LY96: variants seen among roughly 807,000 people sequenced by gnomAD.
LY96 encodes lymphocyte antigen 96.
LY96 carries 18 observed loss-of-function variants against 18.9 expected under a neutral mutation model. The observed-to-expected ratio is 0.95, with a 90% CI of 0.66 to 1.41. The LOEUF is 1.41. Ranked by LOEUF, LY96 falls within the 40% of genes most tolerant of loss-of-function variation. The probability of loss-of-function intolerance (pLI) is 0.00; values close to 1 mark genes in which losing one functional copy is unlikely to be tolerated. For synonymous variants in LY96, 66 were observed against 62.6 expected, an observed-to-expected ratio of 1.06 and a Z score of -0.26; for missense variants, 175 against 182.4, an observed-to-expected ratio of 0.96 and a Z score of 0.23.
chr8:74,043,309 T>C, the LY96 span, among the ~76,000 whole-genome samples: 208 of 152,358 alleles, frequency 1.4e-3, no homozygotes, highest in Non-Finnish European at 2.3e-3. Context: ...AGGTTGTCAA[T>C]TGGGACTAAT....
At chr8:74,016,704 T>C (rs923463208) in intron 3 of LY96, among the ~76,000 whole-genome samples, 1 of 152,208 alleles carries the variant, frequency 6.6e-6, no homozygotes, top group African/African-American at 2.4e-5. Flanking sequence ...CTGCAATATT[T>C]ACTGTTCTGC....
At chr8:74,032,813 T>C (rs897060106), downstream of LY96, among the ~76,000 whole-genome samples, 6 of 152,144 alleles carry the variant, frequency 3.9e-5, no homozygotes, top group African/African-American at 7.2e-5. Flanking sequence ...TATTAAACAA[T>C]TGCTGGTGAA....
the LY96 span, among the ~76,000 whole-genome samples, chr8:74,064,611 A>G: frequency 2.0e-5 from 3 of 152,122 alleles, no homozygotes; most frequent in Non-Finnish European, 2.9e-5. Context: ...TCCTTCTACC[A>G]GTATTGGAAG....
At chr8:74,030,450 T>C (rs1816951371), downstream of LY96, among the ~76,000 whole-genome samples, 1 of 152,100 alleles carries the variant, frequency 6.6e-6, no homozygotes, top group Admixed American at 6.5e-5. Flanking sequence ...GAGGTGAAGG[T>C]TGTAGTGAGC....
chr8:74,098,479 G>A, the LY96 span, among the ~76,000 whole-genome samples: 10 of 152,086 alleles, frequency 6.6e-5, no homozygotes, highest in South Asian at 2.1e-4. Context: ...GGGCTCAAGC[G>A]ATTCTCATGC....
intron 1 of LY96, among the ~76,000 whole-genome samples, chr8:73,996,389 CTTTCTTTCTTTCTTTCTTTCTTTCTTT>C (rs1816142041): frequency 1.6e-4 from 7 of 42,650 alleles, no homozygotes; most frequent in Non-Finnish European, 2.3e-4. Flanking sequence ...TTCTTTCTTT[CTTTCTTTCTTTCTTTCTTTCTTTCTTT>C]CTTTCTTTCT....
At chr8:74,033,425 G>T (rs1288068851), downstream of LY96, among the ~76,000 whole-genome samples, 1 of 152,210 alleles carries the variant, frequency 6.6e-6, no homozygotes, top group Non-Finnish European at 1.5e-5. Flanking sequence ...TTAAGATAAA[G>T]ATTGACAAAA....
rs1410346581 is a variant in LY96 at position 74,010,088 on chromosome 8, G to T, written c.290G>T (p.Gly97Val). The change falls in exon 3 of 5, where the codon GGA becomes GTA. Residue 97 changes from glycine to valine, a missense_variant. Coordinates refer to ENST00000284818, the MANE Select transcript of LY96 (RefSeq NM_015364.5). ...LPKRKEVICR[G>V]SDDDYSFCRA... is the part of the protein sequence containing the mutation. ...AAGCGCAAAGAAGTTATTTGCCGAG[G>T]ATCTGATGACGATTACTCTTTTTGC... 11 of 1,613,162 alleles carry T rather than the reference G, an allele frequency of 6.8e-6. No homozygotes were observed. Among genetic ancestry groups the T allele is most frequent in the Middle Eastern group, 1.6e-4 (1 of 6,078 alleles).
At chr8:74,036,819 T>C in the LY96 span, among the ~76,000 whole-genome samples, 25 of 152,322 alleles carry the variant, frequency 1.6e-4, 1 homozygote, top group Admixed American at 1.3e-3. Flanking sequence ...TGAGTAGCTC[T>C]GTGGAGTACC....
chr8:74,016,612 G>C (rs561976690), intron 3 of LY96, among the ~76,000 whole-genome samples: 96 of 152,298 alleles, frequency 6.3e-4, no homozygotes, highest in Non-Finnish European at 1.2e-3. Context: ...CTCCTAGTAG[G>C]GGCTTACTGA....
chr8:74,081,070 T>C, the LY96 span, among the ~76,000 whole-genome samples: 701 of 126,970 alleles, frequency 5.5e-3, 13 homozygotes, highest in African/African-American at 0.013. Context: ...CTTTCTTACT[T>C]TCTTTCTTCT....
the LY96 span, among the ~76,000 whole-genome samples, chr8:74,086,789 G>A: frequency 6.6e-6 from 1 of 152,226 alleles, no homozygotes; most frequent in Non-Finnish European, 1.5e-5. Context: ...TAAAAGAGGT[G>A]CCAGTGAGCT....
At chr8:74,028,897 C>A in intron 4 of LY96, 59 bp from the exon 5 acceptor site, 1 of 1,016,010 alleles carries the variant, frequency 9.8e-7, no homozygotes, top group Non-Finnish European at 1.5e-6. Context: ...CTTACAAAGC[C>A]TCTGAAATAG....
the LY96 span, among the ~76,000 whole-genome samples, chr8:74,067,916 C>A: frequency 6.6e-6 from 1 of 151,598 alleles, no homozygotes; most frequent in East Asian, 1.9e-4. Context: ...CAAAAATTAG[C>A]CAGGCATGGT....
chr8:74,082,545 AC>A, the LY96 span, among the ~76,000 whole-genome samples: 2 of 152,164 alleles, frequency 1.3e-5, no homozygotes, highest in Non-Finnish European at 2.9e-5. Context: ...ATTTAAAAAA[AC>A]CCCAAACACC....
chr8:74,012,044 G>A (rs1202397000), intron 3 of LY96, among the ~76,000 whole-genome samples: 1 of 152,120 alleles, frequency 6.6e-6, no homozygotes, highest in Non-Finnish European at 1.5e-5. Context: ...AAAAGTAACA[G>A]ATGTTAGCAA....
the LY96 span, among the ~76,000 whole-genome samples, chr8:74,051,989 G>C: frequency 6.6e-6 from 1 of 151,526 alleles, no homozygotes; most frequent in Non-Finnish European, 1.5e-5. Flanking sequence ...TACATGTTTA[G>C]TGCAGCTGTG....
chr8:74,011,459 T>C (rs943164474), intron 3 of LY96, among the ~76,000 whole-genome samples: 2 of 152,154 alleles, frequency 1.3e-5, no homozygotes, highest in East Asian at 1.9e-4. Context: ...CTGTAGTATA[T>C]GAGAAAAAAT....
intron 3 of LY96, among the ~76,000 whole-genome samples, chr8:74,025,704 G>A (rs1816857259): frequency 7.0e-6 from 1 of 142,032 alleles, no homozygotes; most frequent in African/African-American, 2.6e-5. Context: ...TTTAAAGAAA[G>A]AGCAAAAAGA....
Sources: allele counts gnomAD v4.1 joint callset (sites outside exome capture counted in the v4.1 genomes callset), GRCh38; gene constraint gnomAD v4.1.1; transcripts MANE v1.5; gene names NCBI Gene and HGNC (gene_info 2026-07-23, HGNC 2026-07-21).